Variants in ZMAT4 observed in about 807,000 individuals in gnomAD.
ZMAT4 encodes the protein zinc finger matrin-type 4, also known as zinc finger matrin-type protein 4.
Under a neutral mutation model 28.7 loss-of-function variants are expected in ZMAT4, and 17 were observed. That is an observed-to-expected ratio of 0.59 (90% CI 0.41 to 0.89). ZMAT4 has a LOEUF of 0.89. Among genes scored for constraint, ZMAT4 ranks in the 40% least tolerant of loss-of-function variants. ZMAT4 has a pLI of 0.00. For missense variants in ZMAT4, 240 were observed against 283.8 expected (o/e 0.85, Z 1.11); for synonymous variants, 117 against 109.2 (o/e 1.07, Z -0.44).
intron 5 of ZMAT4, among the ~76,000 whole-genome samples, chr8:40,595,861 A>C (rs1158928117): frequency 1.3e-5 from 2 of 152,156 alleles, no homozygotes; most frequent in Non-Finnish European, 2.9e-5. Context: ...AGGCAGGCAG[A>C]TCACCTAAGG....
chr8:40,617,676 G>A (rs1046897942), intron 5 of ZMAT4, among the ~76,000 whole-genome samples: 2 of 152,152 alleles, frequency 1.3e-5, no homozygotes, highest in Non-Finnish European at 2.9e-5. Context: ...TAAATAAACA[G>A]CATAGAGCAT....
At chr8:40,853,245 G>T (rs1278130389) in intron 1 of ZMAT4, among the ~76,000 whole-genome samples, 1 of 152,152 alleles carries the variant, frequency 6.6e-6, no homozygotes, top group Non-Finnish European at 1.5e-5. Flanking sequence ...TGTTTTCAAG[G>T]TTGACATTTA....
intron 3 of ZMAT4, among the ~76,000 whole-genome samples, chr8:40,741,976 C>T (rs931502701): frequency 3.3e-5 from 5 of 152,118 alleles, no homozygotes; most frequent in Admixed American, 6.5e-5. Flanking sequence ...TGATGGCTTA[C>T]GCCTGTAATC....
At chr8:40,822,394 C>T (rs1000778483) in intron 2 of ZMAT4, among the ~76,000 whole-genome samples, 1 of 152,168 alleles carries the variant, frequency 6.6e-6, no homozygotes, top group African/African-American at 2.4e-5. Flanking sequence ...AAAATGAAAT[C>T]ATACTAAAAC....
intron 5 of ZMAT4, among the ~76,000 whole-genome samples, chr8:40,584,663 C>T (rs1804605682): frequency 1.3e-5 from 2 of 151,984 alleles, no homozygotes; most frequent in East Asian, 1.9e-4. Flanking sequence ...CATGGAGTCT[C>T]GCCCTGTCAC....
intron 5 of ZMAT4, among the ~76,000 whole-genome samples, chr8:40,650,159 C>T (rs1360412533): frequency 1.5e-4 from 23 of 152,000 alleles, no homozygotes; most frequent in Non-Finnish European, 1.2e-4. Context: ...AAGGGATCAA[C>T]TAAATTGATA....
chr8:40,817,420 G>A lies in ZMAT4; in HGVS notation c.102+8155C>T, dbSNP rs946311989. On this transcript the variant is annotated intron_variant, in intron 2 of 6. Coordinates refer to ENST00000297737, the MANE Select transcript of ZMAT4 (RefSeq NM_024645.3). The stretch of plus-strand genomic sequence containing the variant: ...AAAGAACTCCAGGGGTCAGTGCCAG[G>A]GGTCATTGGGAAAAATGAAAAAGAA... Among the ~76,000 whole-genome samples the A allele has an allele frequency of 5.9e-4, 90 of 152,198 alleles. 1 individual carries two copies. The highest frequency in any genetic ancestry group is 2.1e-3 in the African/African-American group (89 of 41,536).
intron 3 of ZMAT4, among the ~76,000 whole-genome samples, chr8:40,699,650 A>T (rs924366415): frequency 1.3e-5 from 2 of 152,118 alleles, no homozygotes; most frequent in Non-Finnish European, 2.9e-5. Context: ...CATAAAAAAG[A>T]ATGAAATCAA....
intron 2 of ZMAT4, among the ~76,000 whole-genome samples, chr8:40,774,143 A>G (rs1011543754): frequency 2.0e-5 from 3 of 152,182 alleles, no homozygotes; most frequent in African/African-American, 7.2e-5. Context: ...AGCATGTAAA[A>G]GAAAATGGCT....
intron 5 of ZMAT4, among the ~76,000 whole-genome samples, chr8:40,671,103 A>C (rs1389086070): frequency 1.3e-5 from 2 of 152,074 alleles, no homozygotes; most frequent in Non-Finnish European, 2.9e-5. Flanking sequence ...TCATTAGTCA[A>C]TATGGAAATA....
chr8:40,606,802 A>C (rs1466941499), intron 5 of ZMAT4, among the ~76,000 whole-genome samples: 1 of 152,206 alleles, frequency 6.6e-6, no homozygotes, highest in Non-Finnish European at 1.5e-5. Flanking sequence ...TATGTTTCCC[A>C]AACTTTTAGA....
chr8:40,668,468 C>CAAAAAACAAAA (rs1808530670), intron 5 of ZMAT4, among the ~76,000 whole-genome samples: 1 of 85,022 alleles, frequency 1.2e-5, no homozygotes, highest in African/African-American at 4.7e-5. Context: ...GACTTTGTCT[C>CAAAAAACAAAA]AAAAAAAAAA....
At chr8:40,807,192 A>G (rs1815122244) in intron 2 of ZMAT4, among the ~76,000 whole-genome samples, 1 of 151,132 alleles carries the variant, frequency 6.6e-6, no homozygotes, top group Non-Finnish European at 1.5e-5. Flanking sequence ...CTGTTATCTC[A>G]GCACTTTGGG....
intron 6 of ZMAT4, among the ~76,000 whole-genome samples, chr8:40,579,234 T>C (rs1437573539): frequency 6.6e-6 from 1 of 152,212 alleles, no homozygotes; most frequent in Non-Finnish European, 1.5e-5. Context: ...TCATACCATT[T>C]AAAGTCATTG....
chr8:40,543,365 T>C (rs1406242343), intron 6 of ZMAT4, among the ~76,000 whole-genome samples: 4 of 152,208 alleles, frequency 2.6e-5, no homozygotes, highest in South Asian at 2.1e-4. Flanking sequence ...GCAAAGCCCA[T>C]ACTGCAAAGG....
intron 5 of ZMAT4, among the ~76,000 whole-genome samples, chr8:40,647,347 C>G (rs1054201223): frequency 6.6e-6 from 1 of 151,472 alleles, no homozygotes; most frequent in African/African-American, 2.5e-5. Flanking sequence ...CACTCCCACC[C>G]GAATACTGCG....
chr8:40,787,701 C>T (rs1462682280), intron 2 of ZMAT4, among the ~76,000 whole-genome samples: 1 of 152,082 alleles, frequency 6.6e-6, no homozygotes, highest in Non-Finnish European at 1.5e-5. Flanking sequence ...GATCTGACAA[C>T]CCGTGTGGTC....
At chr8:40,861,797 C>G (rs1267687566) in intron 1 of ZMAT4, among the ~76,000 whole-genome samples, 1 of 152,186 alleles carries the variant, frequency 6.6e-6, no homozygotes, top group Non-Finnish European at 1.5e-5. Flanking sequence ...GACATTTATG[C>G]AGCCAAAAAG....
chr8:40,803,028 A>C (rs1482277361), intron 2 of ZMAT4, among the ~76,000 whole-genome samples: 1 of 152,188 alleles, frequency 6.6e-6, no homozygotes, highest in Non-Finnish European at 1.5e-5. Context: ...TACACAACAA[A>C]AATGAATCTA....
Sources: gnomAD v4.1 joint callset for allele counts (sites outside exome capture counted in the v4.1 genomes callset) on GRCh38, gnomAD v4.1.1 for gene constraint, MANE v1.5 for transcripts, NCBI Gene and HGNC (gene_info 2026-07-23, HGNC 2026-07-21) for gene names.